Variants in PCBP3 observed in about 807,000 individuals in gnomAD.
PCBP3 encodes poly(rC) binding protein 3, also known as poly(rC)-binding protein 3.
Under a neutral mutation model 52.7 loss-of-function variants are expected in PCBP3, and 25 were observed. The ratio of observed to expected loss-of-function variants is 0.47; its 90% CI spans 0.35 to 0.66. PCBP3 has a LOEUF of 0.66. Among genes scored for constraint, PCBP3 ranks in the 30% least tolerant of loss-of-function variants. The pLI, the probability that PCBP3 is intolerant of heterozygous loss-of-function variation, is 0.01. For missense variants in PCBP3, 391 were observed against 490.3 expected (o/e 0.80, Z 1.91); for synonymous variants, 162 against 183.0 (o/e 0.89, Z 0.93).
At chr21:45,693,517 T>C (rs1252361257) in intron 2 of PCBP3, among the ~76,000 whole-genome samples, 4 of 152,122 alleles carry the variant, frequency 2.6e-5, no homozygotes, top group African/African-American at 9.6e-5. Context: ...CTGTTAAAAC[T>C]CATCAAATTG....
Position 45,784,335 on chromosome 21 carries a change from G to GCTCTAGCTCTACCTCTAC in PCBP3, c.-126+28888_-126+28889insGCTCTACCTCTACCTCTA, listed in dbSNP as rs1555934161. 1.4e-3 allele frequency among the ~76,000 whole-genome samples: 153 copies of GCTCTAGCTCTACCTCTAC among 105,814 alleles called. 3 individuals carry two copies. The highest frequency in any genetic ancestry group is 2.9e-3 in the Admixed American group (32 of 10,886). 69.4% of individuals were successfully genotyped at this position (105,814 alleles called of 152,430 possible). ...CCACCAGGGAATGTTAATAGTGACA[G>GCTCTAGCTCTACCTCTAC]CTCTACCTCTACCTCTACCTCTACC... On this transcript the variant is annotated intron_variant, in intron 4 of 17. Coordinates refer to ENST00000681687, the MANE Select transcript of PCBP3 (RefSeq NM_001384156.1).
intron 3 of PCBP3, among the ~76,000 whole-genome samples, chr21:45,740,220 C>A (rs764854832): frequency 5.1e-4 from 77 of 152,236 alleles, no homozygotes; most frequent in Non-Finnish European, 8.8e-4. Context: ...GGAGCCCTCG[C>A]TGTTAGCTCA....
At chr21:45,647,078 AAGAT>A (rs2079364559) in intron 1 of PCBP3, among the ~76,000 whole-genome samples, 1 of 152,202 alleles carries the variant, frequency 6.6e-6, no homozygotes, top group Non-Finnish European at 1.5e-5. Flanking sequence ...AAAAACAAAA[AAGAT>A]AGATGTCACT....
In PCBP3 at chr21:45,813,380, TCC is replaced by T. The variant is rs1403428464; in HGVS notation, c.-125-36579_-125-36578del. On this transcript the variant is annotated intron_variant, in intron 4 of 17. Coordinates refer to ENST00000681687, the MANE Select transcript of PCBP3 (RefSeq NM_001384156.1). ...TTCTAGTTGGCTCATTTTTATAGTTTCCCTTTTCTTCCTTAGATCTTCTGATG... is the reference window on the plus strand; with the variant it reads ...TTCTAGTTGGCTCATTTTTATAGTTTCTTTTCTTCCTTAGATCTTCTGATG... 4.6e-5 allele frequency among the ~76,000 whole-genome samples: 7 copies of T among 152,318 alleles called. No homozygotes were observed. In the East Asian group the frequency reaches 1.3e-3, roughly 29 times the overall value.
At chr21:45,923,228 G>A (rs1160461192) in intron 13 of PCBP3, among the ~76,000 whole-genome samples, 1 of 152,206 alleles carries the variant, frequency 6.6e-6, no homozygotes, top group Non-Finnish European at 1.5e-5. Context: ...TGGGTGAGGG[G>A]TCCCCTCACT....
At chr21:45,756,205 C>A (rs2088025432) in intron 4 of PCBP3, among the ~76,000 whole-genome samples, 1 of 152,162 alleles carries the variant, frequency 6.6e-6, no homozygotes, top group South Asian at 2.1e-4. Context: ...CTGTTATCTT[C>A]TTCACTGGTC....
intron 4 of PCBP3, among the ~76,000 whole-genome samples, chr21:45,843,496 C>G (rs2093741299): frequency 6.6e-6 from 1 of 152,156 alleles, no homozygotes; most frequent in Non-Finnish European, 1.5e-5. Flanking sequence ...GGATTCGTGA[C>G]TCACTAATTT....
chr21:45,900,871 C>A, intron 8 of PCBP3, 126 bp from the exon 9 acceptor site: 1 of 745,154 alleles, frequency 1.3e-6, no homozygotes, highest in Admixed American at 1.9e-5. Context: ...TTTTACTGTT[C>A]ATTCATGGTT....
rs573719175 is a variant in PCBP3, at chr21:45,837,080, G to A, written c.-125-12881G>A. ...TGCTGCATCATAAAGTCTGTGAAAG[G>A]TGAACTTTCAGGAACTTTCAGGACC... is the stretch of plus-strand genomic sequence containing the variant. On this transcript the variant is annotated intron_variant, in intron 4 of 17. Transcript: ENST00000681687. The surrounding 1 kb of genome is among the most constrained non-coding windows in gnomAD (Gnocchi z 4.1). Among the ~76,000 whole-genome samples the A allele has an allele frequency of 6.6e-6, 1 of 152,322 alleles. No homozygotes were observed. Among genetic ancestry groups the A allele is most frequent in the African/African-American group, 2.4e-5 (1 of 41,562 alleles).
At chr21:45,905,580 C>T (rs1025204855) in intron 9 of PCBP3, among the ~76,000 whole-genome samples, 7 of 152,250 alleles carry the variant, frequency 4.6e-5, no homozygotes, top group South Asian at 4.1e-4. Context: ...CTGGTTCTCT[C>T]ACAGTCCAGG....
At chr21:45,712,673 A>G (rs184268014) in intron 2 of PCBP3, among the ~76,000 whole-genome samples, 1 of 150,922 alleles carries the variant, frequency 6.6e-6, no homozygotes, top group East Asian at 1.9e-4. Context: ...ATTATTATAC[A>G]TTTCTTGTGA....
intron 4 of PCBP3, chr21:45,763,036 C>T (rs1422950275): frequency 6.6e-6 from 1 of 152,262 alleles, no homozygotes; most frequent in East Asian, 1.9e-4. Flanking sequence ...GTATCCACAT[C>T]TTCCTTGCTG....
chr21:45,792,874 A>T (rs1030263045), intron 4 of PCBP3, among the ~76,000 whole-genome samples: 1 of 152,194 alleles, frequency 6.6e-6, no homozygotes, highest in Non-Finnish European at 1.5e-5. Context: ...AGGCAGTCAG[A>T]AGTTGTGTCG....
chr21:45,849,883 C>T (rs2093927602), intron 4 of PCBP3, 78 bp from the exon 5 acceptor site: 4 of 600,900 alleles, frequency 6.7e-6, no homozygotes, highest in Non-Finnish European at 1.2e-5. Context: ...AGGCAAGAGG[C>T]AGTTCCGTTG....
chr21:45,818,554 A>G (rs974380657), intron 4 of PCBP3, among the ~76,000 whole-genome samples: 5 of 152,140 alleles, frequency 3.3e-5, no homozygotes, highest in African/African-American at 1.2e-4. Flanking sequence ...TTTGTAAGAA[A>G]CTGCCACAGT....
At chr21:45,863,884 C>G (rs2148492886) in intron 5 of PCBP3, among the ~76,000 whole-genome samples, 1 of 152,250 alleles carries the variant, frequency 6.6e-6, no homozygotes, top group South Asian at 2.1e-4. Context: ...CGGGGAAATG[C>G]CTAGAGGAAC....
intron 2 of PCBP3, among the ~76,000 whole-genome samples, chr21:45,733,421 G>C (rs2085612617): frequency 6.6e-6 from 1 of 151,952 alleles, no homozygotes; most frequent in African/African-American, 2.4e-5. Context: ...CAAGTAGCTG[G>C]GACTACAGGC....
chr21:45,911,331 G>C (rs1449537960), intron 11 of PCBP3: 2 of 390,886 alleles, frequency 5.1e-6, no homozygotes. Flanking sequence ...CCACTGAGGG[G>C]TCTTCTGCAC....
intron 11 of PCBP3, among the ~76,000 whole-genome samples, chr21:45,912,562 C>T (rs777989603): frequency 1.3e-5 from 2 of 152,102 alleles, no homozygotes; most frequent in Admixed American, 6.5e-5. Flanking sequence ...ATACAGACAT[C>T]GCCACAGATG....
Sources: allele counts gnomAD v4.1 joint callset (sites outside exome capture counted in the v4.1 genomes callset), GRCh38; gene constraint gnomAD v4.1.1; non-coding constraint Gnocchi (gnomAD v3.1); transcripts MANE v1.5; gene names NCBI Gene and HGNC (gene_info 2026-07-23, HGNC 2026-07-21).